CA8: variants seen among roughly 807,000 people sequenced by gnomAD.
CA8 encodes carbonic anhydrase 8 (inactive), also known as carbonic anhydrase-related protein.
A neutral mutation model predicts 41.4 loss-of-function variants in CA8; 22 were observed. The observed-to-expected ratio is 0.53, with a 90% CI of 0.38 to 0.76. CA8 has a LOEUF of 0.76. Ranked by LOEUF, CA8 falls within the 30% of genes least tolerant of loss-of-function variation. The probability of loss-of-function intolerance (pLI) is 0.00; values close to 1 mark genes in which losing one functional copy is unlikely to be tolerated. For synonymous variants in CA8, 121 were observed against 130.6 expected, an observed-to-expected ratio of 0.93 and a Z score of 0.50; for missense variants, 270 against 352.8, an observed-to-expected ratio of 0.77 and a Z score of 1.88.
intron 8 of CA8, among the ~76,000 whole-genome samples, chr8:60,195,520 A>G (rs1462759834): frequency 6.6e-6 from 1 of 152,226 alleles, no homozygotes; most frequent in Admixed American, 6.6e-5. Context: ...TCAGTGTAAC[A>G]TCTCCAAAAT....
intron 7 of CA8, among the ~76,000 whole-genome samples, chr8:60,211,774 T>C (rs1806843056): frequency 1.3e-5 from 2 of 152,224 alleles, no homozygotes; most frequent in Admixed American, 1.3e-4. Context: ...GGGGAAAATG[T>C]GTCTTTCTGA....
rs867765920 is a variant in CA8, at chr8:60,246,625, T to C, written c.418-14246A>G. Among the ~76,000 whole-genome samples, 4 of 152,208 alleles carry C rather than the reference T, an allele frequency of 2.6e-5. No individual in the cohort carries two copies. In the East Asian group the frequency reaches 7.7e-4, roughly 29 times the overall value. ...ACATTTGTGATAGAAATAATATCAA[T>C]TAAAAAACTTTATTTGTATATGTAT... is the stretch of plus-strand genomic sequence containing the variant. On this transcript the variant is annotated intron_variant, in intron 3 of 8. Transcript: ENST00000317995.
intron 3 of CA8, among the ~76,000 whole-genome samples, chr8:60,249,419 G>A (rs1008954969): frequency 3.3e-5 from 5 of 152,116 alleles, no homozygotes; most frequent in Admixed American, 2.0e-4. Context: ...GCACTCATAC[G>A]ATGGAGAAAT....
intron 4 of CA8, among the ~76,000 whole-genome samples, chr8:60,231,883 T>C (rs188764524): frequency 1.3e-5 from 2 of 152,326 alleles, no homozygotes; most frequent in Admixed American, 6.5e-5. Flanking sequence ...AGAGTGAAAA[T>C]TGTTAATAAA....
intron 5 of CA8, among the ~76,000 whole-genome samples, chr8:60,225,038 A>G (rs1807378722): frequency 6.6e-6 from 1 of 151,728 alleles, no homozygotes; most frequent in South Asian, 2.1e-4. Context: ...GTCTTGTCCT[A>G]TTTGGATTTG....
Position 60,224,565 on chromosome 8 carries a change from A to C in CA8, c.597T>G (p.Pro199=). The C allele has an allele frequency of 1.3e-6, 2 of 1,579,804 alleles. No homozygotes were observed. The highest frequency in any genetic ancestry group is 1.7e-6 in the Non-Finnish European group (2 of 1,149,680). The change falls in exon 6 of 9, where the codon CCT becomes CCG. Residue 199 remains proline, a synonymous_variant. Coordinates refer to ENST00000317995, the MANE Select transcript of CA8 (RefSeq NM_004056.6). Reference sequence around the variant, plus strand: ...GTAATAAAGTGTTAGGATTAAAGCAAGGTATTGTTTTGGACTTCCCCTGAA... The same window carrying C: ...GTAATAAAGTGTTAGGATTAAAGCACGGTATTGTTTTGGACTTCCCCTGAA... ...IQYKGKSKTI[P]CFNPNTLLPD...
chr8:60,232,152 G>GT (rs925325737), intron 4 of CA8, 132 bp downstream of exon 4: 1 of 709,470 alleles, frequency 1.4e-6, no homozygotes, highest in African/African-American at 1.8e-5. Flanking sequence ...CAAGTTTTCT[G>GT]TTTTTATCAG....
rs779694601 is a variant in CA8 at position 60,224,592 on chromosome 8, AAG to A, written c.577-9_577-8del. ...GTATTGTTTTGGACTTCCCCTGAAA[AAG>A]AAAAAAATATTTACCCAATGTTAAT... is the stretch of plus-strand genomic sequence containing the variant. On this transcript the variant is annotated splice_region_variant and splice_polypyrimidine_tract_variant and intron_variant, in intron 5 of 8. Transcript: ENST00000317995. The A allele has an allele frequency of 1.1e-5, 16 of 1,514,662 alleles. No homozygotes were observed. The highest frequency in any genetic ancestry group is 3.4e-5 in the South Asian group (3 of 88,286). 93.8% of individuals were successfully genotyped at this position (1,514,662 alleles called of 1,614,324 possible).
chr8:60,230,084 C>T (rs1033218609), intron 4 of CA8, among the ~76,000 whole-genome samples: 9 of 152,168 alleles, frequency 5.9e-5, no homozygotes, highest in African/African-American at 1.9e-4. Context: ...GTTTTCTTTG[C>T]TCTATAAATA....
Position 60,188,107 on chromosome 8 carries a change from C to T in CA8, c.*1914G>A, listed in dbSNP as rs973201773. On this transcript the variant is annotated 3_prime_UTR_variant, in exon 9 of 9. Coordinates refer to ENST00000317995, the MANE Select transcript of CA8 (RefSeq NM_004056.6). ...ACACCATGATCTGAACCAAGTAGTT[C>T]ATTTCAGTCTTTTACTCAGAAAATA... The T allele has an allele frequency of 6.6e-6, 1 of 152,194 alleles. No individual in the cohort carries two copies. The highest frequency in any genetic ancestry group is 1.5e-5 in the Non-Finnish European group (1 of 68,046). The allele number at this position is 152,194 out of a possible 1,614,324, so 9.4% of individuals were successfully genotyped here.
intron 7 of CA8, among the ~76,000 whole-genome samples, chr8:60,215,462 G>T (rs557363071): frequency 6.9e-4 from 104 of 151,796 alleles, no homozygotes; most frequent in Non-Finnish European, 1.3e-3. Context: ...TGGGTTCAGT[G>T]TATACTGCTT....
intron 3 of CA8, among the ~76,000 whole-genome samples, chr8:60,249,035 G>A (rs1238178595): frequency 1.3e-5 from 2 of 152,262 alleles, no homozygotes; most frequent in Non-Finnish European, 2.9e-5. Context: ...GTGAATGGGA[G>A]TTTATTCAAG....
chr8:60,203,910 C>T (rs1806503190), intron 8 of CA8, among the ~76,000 whole-genome samples: 1 of 152,170 alleles, frequency 6.6e-6, no homozygotes, highest in South Asian at 2.1e-4. Flanking sequence ...AATAGAGACA[C>T]AGGAAAGCAT....
intron 8 of CA8, among the ~76,000 whole-genome samples, chr8:60,204,754 T>C (rs533924646): frequency 6.6e-6 from 1 of 152,342 alleles, no homozygotes; most frequent in African/African-American, 2.4e-5. Flanking sequence ...CCTAATGCTG[T>C]GCACCATGTT....
intron 3 of CA8, among the ~76,000 whole-genome samples, chr8:60,248,692 A>G (rs1426121873): frequency 6.6e-6 from 1 of 152,068 alleles, no homozygotes; most frequent in African/African-American, 2.4e-5. Flanking sequence ...GCATGATGTC[A>G]CCAGCTTTTT....
intron 7 of CA8, among the ~76,000 whole-genome samples, chr8:60,219,724 T>G (rs544997978): frequency 3.3e-5 from 5 of 152,160 alleles, no homozygotes; most frequent in Non-Finnish European, 7.4e-5. Context: ...AGCACTGACA[T>G]CACACATGAC....
At chr8:60,268,086 C>T (rs935706494) in intron 2 of CA8, among the ~76,000 whole-genome samples, 2 of 152,146 alleles carry the variant, frequency 1.3e-5, no homozygotes, top group Non-Finnish European at 2.9e-5. Context: ...AAAATACACC[C>T]CTTGCCACCC....
At chr8:60,265,654 T>C in intron 3 of CA8, 2 of 406,294 alleles carry the variant, frequency 4.9e-6, no homozygotes, top group East Asian at 1.0e-4. Context: ...AGGCAGAATT[T>C]TTACAAGAAT....
intron 8 of CA8, among the ~76,000 whole-genome samples, chr8:60,200,425 T>G (rs1202205980): frequency 6.6e-6 from 1 of 152,200 alleles, no homozygotes; most frequent in Non-Finnish European, 1.5e-5. Context: ...GTAATTTCAT[T>G]TCCATGCTGA....
Sources: gnomAD v4.1 joint callset for allele counts (sites outside exome capture counted in the v4.1 genomes callset) on GRCh38, gnomAD v4.1.1 for gene constraint, MANE v1.5 for transcripts, NCBI Gene and HGNC (gene_info 2026-07-23, HGNC 2026-07-21) for gene names.